LMF1: variants seen among roughly 807,000 people sequenced by gnomAD.
LMF1 encodes transmembrane protein 112.
In LMF1, 68 loss-of-function variants were observed where a neutral mutation model predicts 60.6. The ratio of observed to expected loss-of-function variants is 1.12; its 90% CI spans 0.92 to 1.37. The LOEUF (loss-of-function observed/expected upper bound fraction) is 1.37. Ranked by LOEUF, LMF1 falls within the 40% of genes most tolerant of loss-of-function variation. LMF1 has a pLI of 0.00. For synonymous variants in LMF1, 418 were observed against 324.7 expected (o/e 1.29, Z -3.09); for missense variants, 948 against 767.2 (o/e 1.24, Z -2.78).
At chr16:927,803 C>T (rs76656836) in intron 3 of LMF1, among the ~76,000 whole-genome samples, 6 of 152,192 alleles carry the variant, frequency 3.9e-5, no homozygotes, top group Non-Finnish European at 7.3e-5. Flanking sequence ...ATTTAAGAGC[C>T]GCAAGGGTGA....
At chr16:914,645 C>T (rs1268243003) in intron 3 of LMF1, among the ~76,000 whole-genome samples, 26 of 146,310 alleles carry the variant, frequency 1.8e-4, no homozygotes, top group Admixed American at 5.4e-4. Context: ...CACTCCCTCC[C>T]TCCTCATGAC....
chr16:981,315 A>C (rs1246678167), upstream of LMF1: 9 of 271,662 alleles, frequency 3.3e-5, no homozygotes, highest in African/African-American at 2.0e-4. Context: ...AGAGAGAGAG[A>C]GAGAGAGAGA....
intron 1 of LMF1, among the ~76,000 whole-genome samples, chr16:967,561 G>C (rs776588438): frequency 6.6e-6 from 1 of 152,176 alleles, no homozygotes; most frequent in Non-Finnish European, 1.5e-5. Flanking sequence ...GCTTAGGCCG[G>C]AAACTCCTGT....
In LMF1 at chr16:880,717, GGAGT is replaced by G. The variant is rs1251379323; in HGVS notation, c.730-984_730-981del. On this transcript the variant is annotated intron_variant, in intron 5 of 10. Coordinates refer to ENST00000262301, the MANE Select transcript of LMF1 (RefSeq NM_022773.4). Reference sequence around the variant, plus strand: ...TCAGAGTGGTTGTGCAGACTTGTCTGGAGTGAGAACACCCCACTGGCAAATGGGG... The same window carrying G: ...TCAGAGTGGTTGTGCAGACTTGTCTGGAGAACACCCCACTGGCAAATGGGG... Among the ~76,000 whole-genome samples, 47 of 152,238 alleles carry G rather than the reference GGAGT, an allele frequency of 3.1e-4. 1 individual carries two copies. Among genetic ancestry groups the G allele is most frequent in the Admixed American group, 1.3e-4 (2 of 15,292 alleles).
intron 4 of LMF1, among the ~76,000 whole-genome samples, chr16:896,774 GA>G (rs1011889258): frequency 6.6e-6 from 1 of 151,988 alleles, no homozygotes; most frequent in African/African-American, 2.4e-5. Flanking sequence ...AGGAAAAGAA[GA>G]AAAAAACAAA....
At chr16:951,736 C>G (rs1363385713) in intron 2 of LMF1, among the ~76,000 whole-genome samples, 1 of 152,236 alleles carries the variant, frequency 6.6e-6, no homozygotes, top group Non-Finnish European at 1.5e-5. Context: ...CTGCAGACCC[C>G]CAGAGGCGGC....
At chr16:954,766 G>A in intron 1 of LMF1, 100 bp from the exon 2 acceptor site, 1 of 1,137,108 alleles carries the variant, frequency 8.8e-7, no homozygotes, top group Non-Finnish European at 1.2e-6. Context: ...GCGGGAAGGG[G>A]AGGCAGAGTC....
At chr16:960,411 A>C in intron 1 of LMF1, among the ~76,000 whole-genome samples, 1 of 91,514 alleles carries the variant, frequency 1.1e-5, no homozygotes, top group Non-Finnish European at 2.2e-5. Context: ...ACACAGACTC[A>C]CGGTGACAGC....
intron 10 of LMF1, among the ~76,000 whole-genome samples, chr16:861,809 C>T (rs2069475575): frequency 6.6e-6 from 1 of 152,200 alleles, no homozygotes; most frequent in Non-Finnish European, 1.5e-5. Context: ...CCAGCGCTTC[C>T]AGCACCATGC....
chr16:974,152 G>A (rs1021397115), upstream of LMF1, among the ~76,000 whole-genome samples: 1 of 152,302 alleles, frequency 6.6e-6, no homozygotes, highest in South Asian at 2.1e-4. Flanking sequence ...TCTATATTAA[G>A]GCGCATCTAG....
chr16:856,031 G>A (rs2069175775), intron 10 of LMF1: 2 of 449,490 alleles, frequency 4.4e-6, no homozygotes, highest in Non-Finnish European at 9.0e-6. Context: ...GAGACCCTCT[G>A]GGTGGAGGAG....
chr16:853,851 C>T lies in LMF1; in HGVS notation c.*681G>A, dbSNP rs1229839427. Reference sequence around the variant, plus strand: ...TGGAGGGTCTGGGTGTGCGCTGTGTCCATCTGCACCTCACAGACACCAGTC... The same window carrying T: ...TGGAGGGTCTGGGTGTGCGCTGTGTTCATCTGCACCTCACAGACACCAGTC... On this transcript the variant is annotated 3_prime_UTR_variant, in exon 11 of 11. Transcript: ENST00000262301. 2.2e-6 allele frequency: 1 copy of T among 454,064 alleles called. No homozygotes were observed. The highest frequency in any genetic ancestry group is 2.0e-5 in the African/African-American group (1 of 50,108). The allele number at this position is 454,064 out of a possible 1,614,324, so 28.1% of individuals were successfully genotyped here.
At chr16:964,068 T>C (rs1193012611) in intron 1 of LMF1, 2 of 455,310 alleles carry the variant, frequency 4.4e-6, no homozygotes, top group Non-Finnish European at 4.4e-6. Context: ...AACGAGGAAA[T>C]ACCGAGGAAA....
intron 10 of LMF1, among the ~76,000 whole-genome samples, chr16:857,312 T>G (rs1362380522): frequency 6.6e-6 from 1 of 152,266 alleles, no homozygotes; most frequent in Non-Finnish European, 1.5e-5. Flanking sequence ...ACTTCGGGTG[T>G]CCTTTTTGAG....
intron 6 of LMF1, chr16:872,463 A>G (rs1055441087): frequency 6.6e-6 from 1 of 152,266 alleles, no homozygotes; most frequent in African/African-American, 2.4e-5. Context: ...CTGAGCCCCA[A>G]AACAGTTATT....
chr16:870,742 C>T lies in LMF1; in HGVS notation c.1219G>A (p.Gly407Arg), dbSNP rs376753256. ...FNSLHIVNTYGAFGSITKERA... is the reference protein window; with the variant it reads ...FNSLHIVNTYRAFGSITKERA... ...CCAGGCTCATACCTTCCGAAGGCCC[C>T]GTAAGTGTTGACGATGTGAAGAGAG... Residue 407 changes from glycine (G) to arginine (R), a missense_variant, in exon 8 of 11, where the codon GGG becomes AGG. Gly to Arg is a moderately radical substitution (Grantham distance 125, BLOSUM62 -2). Coordinates refer to ENST00000262301, the MANE Select transcript of LMF1 (RefSeq NM_022773.4). The T allele has an allele frequency of 3.9e-5, 63 of 1,612,764 alleles. No individual in the cohort carries two copies. The highest frequency in any genetic ancestry group is 8.9e-5 in the East Asian group (4 of 44,888).
chr16:976,852 G>T, intron 1 of LMF1: 2 of 454,142 alleles, frequency 4.4e-6, no homozygotes, highest in South Asian at 1.6e-5. Context: ...TTCCACATGC[G>T]AACAGCCTGG....
chr16:971,173 G>A (rs999472309), upstream of LMF1, among the ~76,000 whole-genome samples: 10 of 152,150 alleles, frequency 6.6e-5, no homozygotes, highest in Non-Finnish European at 8.8e-5. Flanking sequence ...GCGGGTGCCC[G>A]GAGCCTGCCT....
At chr16:972,411 C>T (rs543767618), upstream of LMF1, among the ~76,000 whole-genome samples, 8 of 152,326 alleles carry the variant, frequency 5.3e-5, no homozygotes, top group South Asian at 1.0e-3. Flanking sequence ...CAGGAGGCAT[C>T]GGCCCTGGCT....
Sources: gnomAD v4.1 joint callset for allele counts (sites outside exome capture counted in the v4.1 genomes callset) on GRCh38, gnomAD v4.1.1 for gene constraint, MANE v1.5 for transcripts, NCBI Gene and HGNC (gene_info 2026-07-23, HGNC 2026-07-21) for gene names.